Variants in EML5 observed in about 807,000 individuals in gnomAD.
The protein encoded by EML5 is EMAP like 5, also known as echinoderm microtubule-associated protein-like 5.
Under a neutral mutation model 250.0 loss-of-function variants are expected in EML5, and 120 were observed. That is an observed-to-expected ratio of 0.48 (90% confidence interval 0.41 to 0.56). EML5 has a LOEUF of 0.56. Ranked by LOEUF, EML5 falls within the 20% of genes least tolerant of loss-of-function variation. The pLI is 0.00. For synonymous variants in EML5, 771 were observed against 806.5 expected, an observed-to-expected ratio of 0.96 and a Z score of 0.75; for missense variants, 2,006 against 2,437.6, an observed-to-expected ratio of 0.82 and a Z score of 3.73.
intron 8 of EML5, among the ~76,000 whole-genome samples, chr14:88,716,434 A>G (rs970923741): frequency 6.6e-6 from 1 of 152,018 alleles, no homozygotes; most frequent in African/African-American, 2.4e-5. Flanking sequence ...AAATCCATAT[A>G]CCGTATTGCC....
Position 88,681,998 on chromosome 14 carries a change from T to C in EML5, c.3016A>G (p.Thr1006Ala). The C allele has an allele frequency of 6.2e-7, 1 of 1,611,684 alleles. No individual in the cohort carries two copies. Among genetic ancestry groups the C allele is most frequent in the Non-Finnish European group, 8.5e-7 (1 of 1,179,132 alleles). Reference protein sequence around the residue: ...HMEGEVWGLATHPYLPICATV... With the variant: ...HMEGEVWGLAAHPYLPICATV... Reference sequence around the variant, plus strand: ...GCACAGATGGGCAGATAAGGGTGTGTAGCTAAACCCCACACCTCTCCTTCC... The same window carrying C: ...GCACAGATGGGCAGATAAGGGTGTGCAGCTAAACCCCACACCTCTCCTTCC... The change falls in exon 21 of 44, where the codon ACA (threonine) becomes GCA (alanine). Residue 1006 changes from threonine to alanine, a missense_variant. Transcript: ENST00000554922.
rs758000918 is a variant in EML5 at position 88,706,221 on chromosome 14, T to C, written c.1825+38A>G. 2.0e-6 allele frequency: 3 copies of C among 1,515,256 alleles called. No individual in the cohort carries two copies. The South Asian group carries it at 4.2e-5, about 21-fold the overall frequency. 93.9% of individuals were successfully genotyped at this position (1,515,256 alleles called of 1,614,324 possible). ...TATTTGGGGGTTACTGAAGAATTAT[T>C]TGACAGGGAAACTGTTTAGCTAATG... On this transcript the variant is annotated intron_variant, in intron 11 of 43. Coordinates refer to ENST00000554922, the MANE Select transcript of EML5 (RefSeq NM_183387.3).
intron 8 of EML5, among the ~76,000 whole-genome samples, chr14:88,724,041 C>T (rs891457502): frequency 7.9e-5 from 12 of 151,376 alleles, no homozygotes; most frequent in South Asian, 6.3e-4. Flanking sequence ...GAGGCCGAGG[C>T]GGGCAGATCA....
At position 88,713,502 on chromosome 14, in the gene EML5, C is replaced by T. The variant is rs1026983679; in HGVS notation, c.1445-1019G>A. Among the ~76,000 whole-genome samples, 9 of 152,120 alleles carry T rather than the reference C, an allele frequency of 5.9e-5. No individual in the cohort carries two copies. In the South Asian group the frequency reaches 1.7e-3, roughly 28 times the overall value. ...TTACTTATTTGTTTAGTTAGAGCCA[C>T]GATCTTGCTCTTTCACCCAGGCTGG... On this transcript the variant is annotated intron_variant, in intron 9 of 43. Coordinates refer to ENST00000554922, the MANE Select transcript of EML5 (RefSeq NM_183387.3).
At chr14:88,639,380 A>G (rs988145354) in intron 31 of EML5, among the ~76,000 whole-genome samples, 5 of 152,204 alleles carry the variant, frequency 3.3e-5, no homozygotes, top group African/African-American at 1.2e-4. Flanking sequence ...AAAGATGAGT[A>G]ACATGGTTGG....
At position 88,792,142 on chromosome 14, in the gene EML5, AT is replaced by A. The variant is rs1182526811; in HGVS notation, c.197+164del. ...CCTAGACGAGGAAGAGGGGAAAGGC[AT>A]TTGTAGGGTGTTAACTGGTGGACTC... is the stretch of plus-strand genomic sequence containing the variant. On this transcript the variant is annotated intron_variant, in intron 1 of 43. Transcript: ENST00000554922. This position sits in a 1 kb window ranked among gnomAD's most constrained non-coding sequence, Gnocchi z 6.9. Among the ~76,000 whole-genome samples, 1 of 152,148 alleles carries A rather than the reference AT, an allele frequency of 6.6e-6. No homozygotes were observed. Among genetic ancestry groups the A allele is most frequent in the African/African-American group, 2.4e-5 (1 of 41,442 alleles).
In EML5 at chr14:88,685,352, GA is replaced by G. The variant is rs559117985; in HGVS notation, c.2855-211del. Among the ~76,000 whole-genome samples the G allele has an allele frequency of 2.3e-4, 35 of 152,222 alleles. No individual in the cohort carries two copies. The South Asian group carries it at 6.2e-3, about 27-fold the overall frequency. On this transcript the variant is annotated intron_variant, in intron 19 of 43. Coordinates refer to ENST00000554922, the MANE Select transcript of EML5 (RefSeq NM_183387.3). ...TACCACCTATGTCTTATAAGTCTATGATTCTATTCTCACATTCCCTCCTACC... is the reference window on the plus strand; with the variant it reads ...TACCACCTATGTCTTATAAGTCTATGTTCTATTCTCACATTCCCTCCTACC...
intron 18 of EML5, among the ~76,000 whole-genome samples, chr14:88,687,870 G>T (rs1457669611): frequency 2.0e-5 from 3 of 152,134 alleles, no homozygotes; most frequent in African/African-American, 7.2e-5. Flanking sequence ...AAGCCCAGGA[G>T]TTGGAGACTA....
chr14:88,644,609 C>T (rs1357074079), intron 29 of EML5, 98 bp from the exon 30 acceptor site: 11 of 1,092,998 alleles, frequency 1.0e-5, no homozygotes, highest in East Asian at 2.5e-5. Context: ...CTTGTCACAC[C>T]TTCCCAAAGA....
intron 1 of EML5, among the ~76,000 whole-genome samples, chr14:88,769,965 A>AGT (rs1395829285): frequency 7.3e-6 from 1 of 136,680 alleles, no homozygotes; most frequent in Non-Finnish European, 1.6e-5. Flanking sequence ...CATTATGTGC[A>AGT]GTTTTTTTTT....
chr14:88,759,698 A>AAAAAAAAAAAAAAAAAC (rs758968634), intron 1 of EML5, among the ~76,000 whole-genome samples: 42 of 142,188 alleles, frequency 3.0e-4, no homozygotes, highest in Non-Finnish European at 3.5e-4. Flanking sequence ...AAAAAAAAAA[A>AAAAAAAAAAAAAAAAAC]AAAAAACTGG....
At chr14:88,791,916 G>A (rs1222339044) in intron 1 of EML5, among the ~76,000 whole-genome samples, 1 of 152,172 alleles carries the variant, frequency 6.6e-6, no homozygotes, top group Admixed American at 6.5e-5. Context: ...ATTAGGTAAA[G>A]GGTTTCCCCC....
chr14:88,710,617 T>C (rs1028404653), intron 10 of EML5, among the ~76,000 whole-genome samples: 2 of 152,192 alleles, frequency 1.3e-5, no homozygotes, highest in Admixed American at 6.5e-5. Context: ...AAAATACTTA[T>C]ATTAATCCAT....
rs1342931552 is a variant in EML5 at position 88,712,260 on chromosome 14, A to G, written c.1657+11T>C. 6.3e-7 allele frequency: 1 copy of G among 1,584,028 alleles called. No individual in the cohort carries two copies. Among genetic ancestry groups the G allele is most frequent in the Admixed American group, 1.7e-5 (1 of 59,416 alleles). On this transcript the variant is annotated intron_variant, in intron 10 of 43. Transcript: ENST00000554922. ...GAGAGAGGTTACTTAATATTTTGAAAGAAAAGGTACCTTTTCTTAAACATG... is the reference window on the plus strand; with the variant it reads ...GAGAGAGGTTACTTAATATTTTGAAGGAAAAGGTACCTTTTCTTAAACATG...
intron 1 of EML5, among the ~76,000 whole-genome samples, chr14:88,767,091 C>T (rs2094330466): frequency 6.6e-6 from 1 of 152,126 alleles, no homozygotes; most frequent in Non-Finnish European, 1.5e-5. Context: ...AAGTTATAAA[C>T]TCTGAATCCT....
chr14:88,700,484 C>T (rs1279851515), intron 14 of EML5, among the ~76,000 whole-genome samples: 1 of 152,048 alleles, frequency 6.6e-6, no homozygotes, highest in Non-Finnish European at 1.5e-5. Context: ...GGAAACAAAG[C>T]ATCAAAACAC....
At chr14:88,616,468 G>A in intron 42 of EML5, 1 of 608,610 alleles carries the variant, frequency 1.6e-6, no homozygotes. Context: ...CTAAGGAAAA[G>A]CATTTGAAAT....
rs1353418649 is a variant in EML5 at position 88,763,579 on chromosome 14, A to C, written c.198-8908T>G. Among the ~76,000 whole-genome samples, 3 of 152,328 alleles carry C rather than the reference A, an allele frequency of 2.0e-5. 1 individual carries two copies. The highest frequency in any genetic ancestry group is 2.1e-4 in the South Asian group (1 of 4,824). ...CACAGCCGAATTCTATCAAAGATAC[A>C]AAGAGGAGCTGGTACCATTCCTTCC... On this transcript the variant is annotated intron_variant, in intron 1 of 43. Transcript: ENST00000554922.
At chr14:88,699,501 G>A (rs947099309) in intron 14 of EML5, among the ~76,000 whole-genome samples, 35 of 152,022 alleles carry the variant, frequency 2.3e-4, no homozygotes. Context: ...TTAGACAGCT[G>A]TTTAGACAGC....
Sources: allele counts gnomAD v4.1 joint callset (sites outside exome capture counted in the v4.1 genomes callset), GRCh38; gene constraint gnomAD v4.1.1; non-coding constraint Gnocchi (gnomAD v3.1); transcripts MANE v1.5; gene names NCBI Gene and HGNC (gene_info 2026-07-23, HGNC 2026-07-21).